The following BRSK2 variants were observed in gnomAD, a reference collection of about 807,000 sequenced individuals.
BRSK2 encodes serine/threonine-protein kinase BRSK2.
In BRSK2, 19 loss-of-function variants were observed where a neutral mutation model predicts 83.3. The observed-to-expected ratio is 0.23, with a 90% CI of 0.16 to 0.33. The LOEUF (loss-of-function observed/expected upper bound fraction) is 0.33, where lower values mean the gene tolerates loss of function less well. BRSK2 is among the 10% of genes least tolerant of loss of function. BRSK2 has a pLI of 1.00. For missense variants in BRSK2, 798 were observed against 1,042.3 expected (o/e 0.77, Z 3.23); for synonymous variants, 519 against 435.4 (o/e 1.19, Z -2.39).
intron 1 of BRSK2, among the ~76,000 whole-genome samples, chr11:1,413,881 G>A (rs943667770): frequency 2.6e-5 from 4 of 152,168 alleles, no homozygotes; most frequent in African/African-American, 9.7e-5. Context: ...GGCTGCTGCT[G>A]CACAGTGGTG....
chr11:1,458,892 G>A (rs540903514), intron 18 of BRSK2, among the ~76,000 whole-genome samples: 1 of 152,304 alleles, frequency 6.6e-6, no homozygotes, highest in East Asian at 1.9e-4. Flanking sequence ...GGCCCACCCA[G>A]GGCACCGGCC....
rs1267511315 is a variant in BRSK2, at chr11:1,456,457, T to C, written c.1778T>C (p.Ile593Thr). The C allele has an allele frequency of 6.3e-7, 1 of 1,582,912 alleles. No individual in the cohort carries two copies. The highest frequency in any genetic ancestry group is 8.6e-7 in the Non-Finnish European group (1 of 1,163,526). The stretch of plus-strand genomic sequence containing the variant: ...AAGCCGGTCAAGTTCCAGGTTGATA[T>C]CACCTACACGGAGGGTGGGGAGGCG... ...FQKPVKFQVD[I>T]TYTEGGEAQK... is the part of the protein sequence containing the mutation. Residue 593 changes from isoleucine (I) to threonine (T), a missense_variant, in exon 17 of 20, where the codon ATC becomes ACC. Ile to Thr is a moderately conservative substitution (Grantham distance 89, BLOSUM62 -1). Transcript: ENST00000528841.
At chr11:1,393,746 A>G (rs1845874766) in intron 1 of BRSK2, among the ~76,000 whole-genome samples, 1 of 152,206 alleles carries the variant, frequency 6.6e-6, no homozygotes, top group Non-Finnish European at 1.5e-5. Flanking sequence ...GGGTGACCCC[A>G]GGCCCAGAAG....
rs149414653 is a variant in BRSK2 at position 1,392,635 on chromosome 11, G to A, written c.91+2260G>A. Among the ~76,000 whole-genome samples, 495 of 152,260 alleles carry A rather than the reference G, an allele frequency of 3.3e-3. 1 individual carries two copies. The highest frequency in any genetic ancestry group is 0.011 in the African/African-American group (476 of 41,554). On this transcript the variant is annotated intron_variant, in intron 1 of 19. Transcript: ENST00000528841. ...GGACGGTGGGCCAAAGATGTGGTCC[G>A]AAACCTGCCCTTGGGGAGTCTGGCC...
At chr11:1,440,289 C>T (rs933843614) in intron 3 of BRSK2, among the ~76,000 whole-genome samples, 1 of 152,172 alleles carries the variant, frequency 6.6e-6, no homozygotes, top group Non-Finnish European at 1.5e-5. Flanking sequence ...CCCCCTTCCC[C>T]TGGCCCTCAC....
chr11:1,399,660 C>T (rs931915980), intron 1 of BRSK2, among the ~76,000 whole-genome samples: 1 of 152,220 alleles, frequency 6.6e-6, no homozygotes, highest in Non-Finnish European at 1.5e-5. Flanking sequence ...GCCCGTCCCT[C>T]TGCTGCCACA....
chr11:1,404,364 G>A (rs931516867), intron 1 of BRSK2, among the ~76,000 whole-genome samples: 44 of 152,106 alleles, frequency 2.9e-4, no homozygotes, highest in Admixed American at 3.3e-4. Flanking sequence ...GAGTGGCCAC[G>A]GGAGGAGGCC....
In BRSK2 at chr11:1,461,246, G is replaced by T; in HGVS notation, c.*523G>T. ...AACAGCCTGCCTGGTGGCCTTCTGGGGCCAGGACCCCTGGTGGGCAACGTA... is the reference window on the plus strand; with the variant it reads ...AACAGCCTGCCTGGTGGCCTTCTGGTGCCAGGACCCCTGGTGGGCAACGTA... On this transcript the variant is annotated 3_prime_UTR_variant, in exon 20 of 20. Coordinates refer to ENST00000528841, the MANE Select transcript of BRSK2 (RefSeq NM_001256627.2). 1.7e-6 allele frequency: 1 copy of T among 579,246 alleles called. No individual in the cohort carries two copies. Among genetic ancestry groups the T allele is most frequent in the Admixed American group, 3.4e-5 (1 of 29,818 alleles). 35.9% of individuals were successfully genotyped at this position (579,246 alleles called of 1,614,324 possible).
At chr11:1,402,085 G>A (rs539234976) in intron 1 of BRSK2, among the ~76,000 whole-genome samples, 3 of 152,232 alleles carry the variant, frequency 2.0e-5, no homozygotes, top group Non-Finnish European at 4.4e-5. Context: ...ACTTACAGGG[G>A]AGAGGGAGGG....
chr11:1,424,366 A>G (rs1242913672), intron 1 of BRSK2, among the ~76,000 whole-genome samples: 1 of 152,140 alleles, frequency 6.6e-6, no homozygotes, highest in East Asian at 1.9e-4. Flanking sequence ...GGCAAAAGGA[A>G]GAAGGACAGG....
rs373414727 is a variant in BRSK2 at position 1,426,909 on chromosome 11, T to A, written c.92-9131T>A. Among the ~76,000 whole-genome samples the A allele has an allele frequency of 1.4e-3, 216 of 152,190 alleles. 1 individual carries two copies. The highest frequency in any genetic ancestry group is 4.7e-3 in the African/African-American group (194 of 41,496). ...CCACTCCGCCTGGTGGGAAGCCCCC[T>A]GGGTCTGCATGCGGGAGATGGGGGG... On this transcript the variant is annotated intron_variant, in intron 1 of 19. Coordinates refer to ENST00000528841, the MANE Select transcript of BRSK2 (RefSeq NM_001256627.2).
At chr11:1,448,040 G>A (rs1016422430) in intron 12 of BRSK2, among the ~76,000 whole-genome samples, 1 of 152,274 alleles carries the variant, frequency 6.6e-6, no homozygotes, top group Non-Finnish European at 1.5e-5. Flanking sequence ...GCCGAGGAGG[G>A]GTGGGGCTGC....
intron 1 of BRSK2, among the ~76,000 whole-genome samples, chr11:1,407,385 A>G (rs1196873858): frequency 6.6e-6 from 1 of 152,176 alleles, no homozygotes; most frequent in Non-Finnish European, 1.5e-5. Context: ...CTGGCCCCAC[A>G]GAGTCCACTT....
In BRSK2 at chr11:1,445,354, G is replaced by A. The variant is rs765211865; in HGVS notation, c.873G>A (p.Ser291=). The A allele has an allele frequency of 3.4e-5, 54 of 1,611,622 alleles. No homozygotes were observed. The highest frequency in any genetic ancestry group is 1.6e-4 in the African/African-American group (12 of 74,918). The part of the protein sequence containing the change: ...QPIPRKVQIR[S]LPSLEDIDPD... Reference sequence around the variant, plus strand: ...TTCCTCGCAAGGTGCAGATCCGCTCGCTGCCCAGCCTGGAGGACATCGACC... The same window carrying A: ...TTCCTCGCAAGGTGCAGATCCGCTCACTGCCCAGCCTGGAGGACATCGACC... The change falls in exon 10 of 20, where the codon TCG becomes TCA. Residue 291 remains serine (S), a synonymous_variant. Transcript: ENST00000528841.
Position 1,446,169 on chromosome 11 carries a change from CCTGGGCTGGG to C in BRSK2, c.1226+270_1226+279del, listed in dbSNP as rs376046232. On this transcript the variant is annotated intron_variant, in intron 12 of 19. Transcript: ENST00000528841. Reference sequence around the variant, plus strand: ...ACTGGGCTAGGCTGAGCTGGGCTGGCCTGGGCTGGGCTGGGCTAGTTTGGGCTGGGCTAGA... The same window carrying C: ...ACTGGGCTAGGCTGAGCTGGGCTGGCCTGGGCTAGTTTGGGCTGGGCTAGA... Among the ~76,000 whole-genome samples the C allele has an allele frequency of 8.9e-3, 1,049 of 117,946 alleles. 12 individuals carry two copies. The highest frequency in any genetic ancestry group is 0.037 in the African/African-American group (992 of 26,496). The allele number at this position is 117,946 out of a possible 152,430, so 77.4% of individuals were successfully genotyped here.
intron 18 of BRSK2, chr11:1,457,139 C>A: frequency 8.4e-7 from 1 of 1,193,214 alleles, no homozygotes; most frequent in Non-Finnish European, 1.1e-6. Context: ...CCCTCCATGC[C>A]CACCCACAGG....
intron 18 of BRSK2, among the ~76,000 whole-genome samples, chr11:1,458,833 G>A (rs1376570978): frequency 2.0e-5 from 3 of 152,202 alleles, no homozygotes; most frequent in Non-Finnish European, 4.4e-5. Flanking sequence ...GGCACAGTGA[G>A]GATGCAGGCC....
At chr11:1,448,637 G>A (rs900713822) in intron 12 of BRSK2, among the ~76,000 whole-genome samples, 2 of 152,162 alleles carry the variant, frequency 1.3e-5, no homozygotes, top group Non-Finnish European at 2.9e-5. Context: ...GGCCTCACTG[G>A]TGGCTGCTGC....
intron 1 of BRSK2, among the ~76,000 whole-genome samples, chr11:1,433,333 C>A (rs1849840659): frequency 6.6e-6 from 1 of 152,266 alleles, no homozygotes; most frequent in African/African-American, 2.4e-5. Flanking sequence ...ACCCCTGCAC[C>A]CTCATGATGC....
Sources: allele counts gnomAD v4.1 joint callset (sites outside exome capture counted in the v4.1 genomes callset), GRCh38; gene constraint gnomAD v4.1.1; transcripts MANE v1.5; gene names NCBI Gene and HGNC (gene_info 2026-07-23, HGNC 2026-07-21).